The following SESN1 variants were observed in gnomAD, a reference collection of about 807,000 sequenced individuals.
The protein encoded by SESN1 is sestrin-1.
SESN1 carries 30 observed loss-of-function variants against 59.3 expected under a neutral mutation model. The ratio of observed to expected loss-of-function variants is 0.51; its 90% CI spans 0.38 to 0.69. SESN1 has a LOEUF of 0.69. Among genes scored for constraint, SESN1 ranks in the 30% least tolerant of loss-of-function variants. The pLI is 0.00. For missense variants in SESN1, 566 were observed against 673.0 expected (o/e 0.84, Z 1.76); for synonymous variants, 197 against 219.9 (o/e 0.90, Z 0.92).
chr6:109,067,107 A>G (rs184138834), intron 1 of SESN1, among the ~76,000 whole-genome samples: 1 of 152,330 alleles, frequency 6.6e-6, no homozygotes, highest in African/African-American at 2.4e-5. Context: ...AAAAGAGTAT[A>G]TAACTTCAAG....
chr6:109,064,897 T>TC (rs1255286305), intron 1 of SESN1, among the ~76,000 whole-genome samples: 1 of 151,964 alleles, frequency 6.6e-6, no homozygotes. Flanking sequence ...CAATAACCAG[T>TC]CCTCTGTTTT....
At chr6:109,081,223 G>A (rs1781117207) in intron 1 of SESN1, among the ~76,000 whole-genome samples, 1 of 152,084 alleles carries the variant, frequency 6.6e-6, no homozygotes, top group African/African-American at 2.4e-5. Flanking sequence ...TGGGACCACA[G>A]GCATGCATCA....
Position 109,077,430 on chromosome 6 carries a change from C to T in SESN1, c.279+16365G>A, listed in dbSNP as rs1019215651. Among the ~76,000 whole-genome samples the T allele has an allele frequency of 3.9e-5, 6 of 152,282 alleles. No homozygotes were observed. The East Asian group carries it at 9.6e-4, about 24-fold the overall frequency. The stretch of plus-strand genomic sequence containing the variant: ...CATCTATAAAAACTAAAACTCACCT[C>T]CCAGAATTGTTGTAGGTATAAAATT... On this transcript the variant is annotated intron_variant, in intron 1 of 9. Coordinates refer to ENST00000436639, the MANE Select transcript of SESN1 (RefSeq NM_014454.3).
chr6:109,082,073 C>T (rs150281342), intron 1 of SESN1, among the ~76,000 whole-genome samples: 4 of 152,290 alleles, frequency 2.6e-5, no homozygotes, highest in Non-Finnish European at 4.4e-5. Context: ...TCCCTGAAGA[C>T]ACGTTGAAAT....
intron 1 of SESN1, among the ~76,000 whole-genome samples, chr6:109,017,827 A>T (rs1779951170): frequency 6.6e-6 from 1 of 152,214 alleles, no homozygotes; most frequent in South Asian, 2.1e-4. Flanking sequence ...AATTGAACTT[A>T]ATGATCTCTC....
At chr6:109,078,540 T>A (rs1462501341) in intron 1 of SESN1, among the ~76,000 whole-genome samples, 1 of 152,212 alleles carries the variant, frequency 6.6e-6, no homozygotes, top group East Asian at 1.9e-4. Context: ...TGGACTAATA[T>A]TCAAACTGCC....
intron 1 of SESN1, among the ~76,000 whole-genome samples, chr6:109,057,104 C>G (rs1159149566): frequency 2.0e-5 from 3 of 152,198 alleles, no homozygotes; most frequent in Non-Finnish European, 4.4e-5. Context: ...ATCTCCAGCT[C>G]AAACAAGCCT....
At chr6:109,043,401 A>C (rs184037774) in intron 1 of SESN1, among the ~76,000 whole-genome samples, 38 of 152,232 alleles carry the variant, frequency 2.5e-4, no homozygotes, top group African/African-American at 8.7e-4. Flanking sequence ...ACAACAACAA[A>C]AACAACAAAC....
chr6:109,048,803 A>G (rs11759732), intron 1 of SESN1, among the ~76,000 whole-genome samples: 25,954 of 152,166 alleles, frequency 0.17, 2,453 homozygotes, highest in Middle Eastern at 0.25. Context: ...AGGAAGATAC[A>G]TCACAATTTA....
At chr6:109,082,391 T>C (rs920136355) in intron 1 of SESN1, among the ~76,000 whole-genome samples, 7 of 152,124 alleles carry the variant, frequency 4.6e-5, no homozygotes, top group Non-Finnish European at 7.4e-5. Flanking sequence ...CATAACTCTG[T>C]AAGGGAACTG....
At position 109,094,126 on chromosome 6, in the gene SESN1, A is replaced by G; in HGVS notation, c.-53T>C. 2 of 1,528,702 alleles carry G rather than the reference A, an allele frequency of 1.3e-6. No individual in the cohort carries two copies. The highest frequency in any genetic ancestry group is 1.8e-6 in the Non-Finnish European group (2 of 1,134,628). The allele number at this position is 1,528,702 out of a possible 1,614,324, so 94.7% of individuals were successfully genotyped here. ...AGTTACCTTTCAGCATGCCCCAAAA[A>G]AATTGCTTTGTATTTTTAAAATGAA... On this transcript the variant is annotated 5_prime_UTR_variant, in exon 1 of 10. Coordinates refer to ENST00000436639, the MANE Select transcript of SESN1 (RefSeq NM_014454.3).
At chr6:109,047,678 A>G (rs1347540574) in intron 1 of SESN1, among the ~76,000 whole-genome samples, 7 of 147,154 alleles carry the variant, frequency 4.8e-5, no homozygotes, top group East Asian at 4.0e-4. Context: ...GAAAAGATTG[A>G]GAAATCGGAT....
Position 109,094,362 on chromosome 6 carries a change from G to A in SESN1, c.-289C>T, listed in dbSNP as rs2114492274. On this transcript the variant is annotated 5_prime_UTR_variant, in exon 1 of 10. Transcript: ENST00000436639. ...GCTTTGGTGGGCAGAGAATTTCGGG[G>A]AAGCGTTCTCCTCCGTCTCGCGGGG... 1 of 440,736 alleles carries A rather than the reference G, an allele frequency of 2.3e-6. No individual in the cohort carries two copies. Among genetic ancestry groups the A allele is most frequent in the Admixed American group, 4.0e-5 (1 of 24,864 alleles). The allele number at this position is 440,736 out of a possible 1,614,324, so 27.3% of individuals were successfully genotyped here.
At chr6:109,048,531 T>C (rs1314349575) in intron 1 of SESN1, among the ~76,000 whole-genome samples, 1 of 152,206 alleles carries the variant, frequency 6.6e-6, no homozygotes, top group African/African-American at 2.4e-5. Flanking sequence ...TTAGAACAGA[T>C]AGAAGGGCCT....
chr6:109,091,369 G>C (rs759897374), intron 1 of SESN1, among the ~76,000 whole-genome samples: 4 of 152,114 alleles, frequency 2.6e-5, no homozygotes, highest in Non-Finnish European at 5.9e-5. Context: ...ACCACCTAAC[G>C]ATGCATTTCT....
At chr6:109,003,884 A>G (rs1779676185) in intron 1 of SESN1, among the ~76,000 whole-genome samples, 1 of 152,226 alleles carries the variant, frequency 6.6e-6, no homozygotes. Flanking sequence ...CTAAGGCTAA[A>G]ATTAACATTT....
At chr6:108,995,966 C>T (rs1779495600) in intron 5 of SESN1, among the ~76,000 whole-genome samples, 1 of 152,166 alleles carries the variant, frequency 6.6e-6, no homozygotes, top group African/African-American at 2.4e-5. Context: ...GTCATTTACC[C>T]CACAAGCTCC....
intron 1 of SESN1, among the ~76,000 whole-genome samples, chr6:109,092,233 C>T (rs1436068847): frequency 1.3e-5 from 2 of 152,292 alleles, no homozygotes; most frequent in African/African-American, 2.4e-5. Context: ...TTAATTCCCA[C>T]AAGAGCTCTG....
chr6:109,023,180 C>T (rs1474354262), intron 1 of SESN1, among the ~76,000 whole-genome samples: 1 of 152,220 alleles, frequency 6.6e-6, no homozygotes, highest in South Asian at 2.1e-4. Context: ...CCTCCTCATA[C>T]ATGTTAATCC....
Sources: allele counts gnomAD v4.1 joint callset (sites outside exome capture counted in the v4.1 genomes callset), GRCh38; gene constraint gnomAD v4.1.1; transcripts MANE v1.5; gene names NCBI Gene and HGNC (gene_info 2026-07-23, HGNC 2026-07-21).